The following BNIP1 variants were observed in gnomAD, a reference collection of about 807,000 sequenced individuals.
BNIP1 encodes the protein vesicle transport protein SEC20.
In BNIP1, 25 loss-of-function variants were observed where a neutral mutation model predicts 28.5. The observed-to-expected ratio is 0.88, with a 90% CI of 0.64 to 1.23. BNIP1 has a LOEUF of 1.23. Among genes scored for constraint, BNIP1 ranks in the 50% most tolerant of loss-of-function variants. The probability of loss-of-function intolerance (pLI) is 0.00; values close to 1 mark genes in which losing one functional copy is unlikely to be tolerated. For synonymous variants in BNIP1, 118 were observed against 101.7 expected, an observed-to-expected ratio of 1.16 and a Z score of -0.96; for missense variants, 276 against 277.0, an observed-to-expected ratio of 1.00 and a Z score of 0.02.
At chr5:173,152,239 C>T (rs1405126291) in intron 2 of BNIP1, among the ~76,000 whole-genome samples, 1 of 152,230 alleles carries the variant, frequency 6.6e-6, no homozygotes, top group Non-Finnish European at 1.5e-5. Flanking sequence ...CTCCGCTTTT[C>T]CCATGCGTTC....
At chr5:173,153,133 T>C (rs1167933356) in intron 2 of BNIP1, among the ~76,000 whole-genome samples, 1 of 151,978 alleles carries the variant, frequency 6.6e-6, no homozygotes, top group East Asian at 1.9e-4. Context: ...GCAGACCTTA[T>C]CTGAGGGACT....
rs991383052 is a variant in BNIP1 at position 173,159,940 on chromosome 5, A to G, written c.379A>G (p.Thr127Ala). Residue 127 changes from threonine to alanine, a missense_variant, in exon 5 of 6, where the codon ACC (threonine) becomes GCC (alanine). Coordinates refer to ENST00000351486, the MANE Select transcript of BNIP1 (RefSeq NM_001205.3). The part of the protein sequence containing the change: ...GGDLLRQRKT[T>A]KESLAQTSST... ...CTTCCTCTGAACTTTTAGGAAAACC[A>G]CCAAAGAGAGCCTGGCCCAGACATC... 5 of 1,613,878 alleles carry G rather than the reference A, an allele frequency of 3.1e-6. No individual in the cohort carries two copies. The highest frequency in any genetic ancestry group is 4.2e-6 in the Non-Finnish European group (5 of 1,179,960).
At chr5:173,163,630 A>T in intron 5 of BNIP1, 95 bp from the exon 6 acceptor site, 1 of 1,153,734 alleles carries the variant, frequency 8.7e-7, no homozygotes, top group Non-Finnish European at 1.2e-6. Flanking sequence ...TCACTTGAGA[A>T]TGCTGGTTTT....
At chr5:173,156,607 A>AT (rs1760194242) in intron 3 of BNIP1, among the ~76,000 whole-genome samples, 2 of 85,480 alleles carry the variant, frequency 2.3e-5, no homozygotes, top group Admixed American at 1.0e-4. Context: ...ATGTGACTGC[A>AT]CCTGGCCTAG....
intron 3 of BNIP1, among the ~76,000 whole-genome samples, chr5:173,154,773 T>TCCC (rs1760133419): frequency 6.6e-6 from 1 of 152,080 alleles, no homozygotes; most frequent in Non-Finnish European, 1.5e-5. Flanking sequence ...TCACCCACCT[T>TCCC]GGCTTCCCAA....
At chr5:173,152,892 CA>C (rs1358744858) in intron 2 of BNIP1, among the ~76,000 whole-genome samples, 1 of 152,066 alleles carries the variant, frequency 6.6e-6, no homozygotes, top group East Asian at 1.9e-4. Flanking sequence ...TATAAATGAG[CA>C]AATACATTGA....
chr5:173,146,468 T>C (rs1322386207), intron 1 of BNIP1, among the ~76,000 whole-genome samples: 9 of 152,334 alleles, frequency 5.9e-5, no homozygotes, highest in Non-Finnish European at 1.0e-4. Context: ...ATGCCAGATA[T>C]TTAAACATCC....
intron 4 of BNIP1, 60 bp downstream of exon 4, chr5:173,158,905 A>G (rs1760283626): frequency 2.3e-6 from 3 of 1,313,536 alleles, no homozygotes; most frequent in Non-Finnish European, 3.1e-6. Flanking sequence ...GGCAAGGTGT[A>G]GGAAACCCCC....
In BNIP1 at chr5:173,156,140, G is replaced by C. The variant is rs5745148; in HGVS notation, c.269+1727G>C. Among the ~76,000 whole-genome samples, 940 of 152,232 alleles carry C rather than the reference G, an allele frequency of 6.2e-3. 69 individuals are homozygous for C. The East Asian group carries it at 0.16, about 26-fold the overall frequency. ...GTATGAGTGGTGGGCAGTGATCCAG[G>C]GCTTGGCTATTTCACGAATACTTTA... On this transcript the variant is annotated intron_variant, in intron 3 of 5. Coordinates refer to ENST00000351486, the MANE Select transcript of BNIP1 (RefSeq NM_001205.3).
chr5:173,145,476 G>A (rs1340611361), intron 1 of BNIP1, among the ~76,000 whole-genome samples: 5 of 152,114 alleles, frequency 3.3e-5, no homozygotes, highest in African/African-American at 9.7e-5. Flanking sequence ...ATCTCGACTC[G>A]CGGCAAGCTC....
At position 173,154,234 on chromosome 5, in the gene BNIP1, T is replaced by C. The variant is rs1372028271; in HGVS notation, c.178-88T>C. On this transcript the variant is annotated intron_variant, in intron 2 of 5. Transcript: ENST00000351486. ...TTTAAAAGGGTGCTTCAAGTGCTATTGTATGCCCTTGGCAGAAATAGAAAT... is the reference window on the plus strand; with the variant it reads ...TTTAAAAGGGTGCTTCAAGTGCTATCGTATGCCCTTGGCAGAAATAGAAAT... The C allele has an allele frequency of 1.0e-5, 12 of 1,197,910 alleles. No individual in the cohort carries two copies. The East Asian group carries it at 2.6e-4, about 26-fold the overall frequency. 74.2% of individuals were successfully genotyped at this position (1,197,910 alleles called of 1,614,324 possible). A position where few individuals can be genotyped will look rare whatever the true frequency, so the allele number is the denominator to read the frequency against.
intron 3 of BNIP1, 120 bp from the exon 4 acceptor site, chr5:173,158,624 C>A: frequency 1.4e-6 from 1 of 705,280 alleles, no homozygotes; most frequent in Non-Finnish European, 2.4e-6. Flanking sequence ...GGGATGGGCT[C>A]TGAAGGCCGT....
In BNIP1 at chr5:173,154,335, T is replaced by G; in HGVS notation, c.191T>G (p.Leu64Trp). ...TTTTCCTCAAAGGACCTGGAGCAGTTGGCTAAAGAGCAAGACAAAGAATCA... is the reference window on the plus strand; with the variant it reads ...TTTTCCTCAAAGGACCTGGAGCAGTGGGCTAAAGAGCAAGACAAAGAATCA... ...LRHRIQDLEQ[L>W]AKEQDKESEK... The change falls in exon 3 of 6, where the codon TTG (leucine) becomes TGG (tryptophan). Residue 64 changes from leucine to tryptophan, a missense_variant. By Grantham distance (61) the Leu-to-Trp change is moderately conservative. Transcript: ENST00000351486. 1 of 1,613,736 alleles carries G rather than the reference T, an allele frequency of 6.2e-7. No homozygotes were observed. Among genetic ancestry groups the G allele is most frequent in the South Asian group, 1.1e-5 (1 of 90,966 alleles).
chr5:173,152,973 A>G (rs971040081), intron 2 of BNIP1, among the ~76,000 whole-genome samples: 1 of 152,188 alleles, frequency 6.6e-6, no homozygotes, highest in Non-Finnish European at 1.5e-5. Context: ...TGTGATTGGT[A>G]TAATGCTATC....
At position 173,164,164 on chromosome 5, in the gene BNIP1, A is replaced by T; in HGVS notation, c.*243A>T. On this transcript the variant is annotated 3_prime_UTR_variant, in exon 6 of 6. Transcript: ENST00000351486. The surrounding 1 kb of genome is among the most constrained non-coding windows in gnomAD (Gnocchi z 4.0). ...GGGGACATACGAACCGCCTCCTTCC[A>T]CCATTGTGCACTATGGGAGGCCGCT... 1 of 370,652 alleles carries T rather than the reference A, an allele frequency of 2.7e-6. No individual in the cohort carries two copies. The allele number at this position is 370,652 out of a possible 1,614,324, so 23.0% of individuals were successfully genotyped here. A position where few individuals can be genotyped will look rare whatever the true frequency, so the allele number is the denominator to read the frequency against.
chr5:173,160,135 C>T lies in BNIP1; in HGVS notation c.490+84C>T, dbSNP rs1316006496. ...CCTGGCACCTCCACTCTGGGCTCCT[C>T]CACCACAGCCCACACGATGTTCACT... On this transcript the variant is annotated intron_variant, in intron 5 of 5. Coordinates refer to ENST00000351486, the MANE Select transcript of BNIP1 (RefSeq NM_001205.3). 6 of 1,186,302 alleles carry T rather than the reference C, an allele frequency of 5.1e-6. No individual in the cohort carries two copies. In the East Asian group the frequency reaches 1.4e-4, roughly 28 times the overall value. The allele number at this position is 1,186,302 out of a possible 1,614,324, so 73.5% of individuals were successfully genotyped here.
Position 173,163,850 on chromosome 5 carries a change from T to C in BNIP1, c.616T>C (p.Phe206Leu). 6.2e-7 allele frequency: 1 copy of C among 1,614,120 alleles called. No individual in the cohort carries two copies. The highest frequency in any genetic ancestry group is 8.5e-7 in the Non-Finnish European group (1 of 1,179,982). Residue 206 changes from phenylalanine to leucine, a missense_variant, in exon 6 of 6, where the codon TTC becomes CTC. Physicochemically the swap from Phe to Leu is conservative, Grantham distance 22. Transcript: ENST00000351486. Reference protein sequence around the residue: ...RRELTDKLLIFLALALFLATV... With the variant: ...RRELTDKLLILLALALFLATV... ...GGAGCTGACGGACAAGCTTCTCATC[T>C]TCCTTGCGCTAGCCCTGTTTCTTGC...
rs5745156 is a variant in BNIP1, at chr5:173,158,327, G to A, written c.270-417G>A. ...GGAGATGAGTAAGTCATGGTTCTCC[G>A]GGGATGGTACCAATTAATACACAGG... is the stretch of plus-strand genomic sequence containing the variant. On this transcript the variant is annotated intron_variant, in intron 3 of 5. Transcript: ENST00000351486. Among the ~76,000 whole-genome samples the A allele has an allele frequency of 5.2e-3, 799 of 152,302 alleles. 9 individuals carry two copies. Among genetic ancestry groups the A allele is most frequent in the African/African-American group, 0.018 (733 of 41,572 alleles).
chr5:173,151,728 G>T (rs745969335), intron 2 of BNIP1: 3 of 1,610,230 alleles, frequency 1.9e-6, no homozygotes, highest in Non-Finnish European at 2.5e-6. Context: ...AAACATCTGG[G>T]TGCCCACCCA....
Sources: gnomAD v4.1 joint callset for allele counts (sites outside exome capture counted in the v4.1 genomes callset) on GRCh38, gnomAD v4.1.1 for gene constraint, Gnocchi (gnomAD v3.1) non-coding constraint, MANE v1.5 for transcripts, NCBI Gene and HGNC (gene_info 2026-07-23, HGNC 2026-07-21) for gene names.